Variants in HS3ST4 observed in about 807,000 individuals in gnomAD.
HS3ST4 encodes heparan sulfate-glucosamine 3-sulfotransferase 4, also known as heparan sulfate glucosamine 3-O-sulfotransferase 4.
A neutral mutation model predicts 29.2 loss-of-function variants in HS3ST4; 17 were observed. That is an observed-to-expected ratio of 0.58 (90% CI 0.40 to 0.87). The LOEUF is 0.87. HS3ST4 is among the 40% of genes least tolerant of loss of function. HS3ST4 has a pLI of 0.00. For synonymous variants in HS3ST4, 314 were observed against 285.7 expected, an observed-to-expected ratio of 1.10 and a Z score of -1.00; for missense variants, 627 against 634.5, an observed-to-expected ratio of 0.99 and a Z score of 0.13.
chr16:25,958,846 TTA>T, intron 1 of HS3ST4, among the ~76,000 whole-genome samples: 1 of 152,182 alleles, frequency 6.6e-6, no homozygotes. Context: ...ATCAGAAGTC[TTA>T]CAAGGTGGCC....
chr16:26,000,363 A>T (rs1969202114), intron 1 of HS3ST4, among the ~76,000 whole-genome samples: 1 of 152,150 alleles, frequency 6.6e-6, no homozygotes, highest in Non-Finnish European at 1.5e-5. Flanking sequence ...TCCTCCACAG[A>T]TTCAAATATA....
At chr16:25,706,175 C>T (rs374787987) in intron 1 of HS3ST4, among the ~76,000 whole-genome samples, 17 of 151,950 alleles carry the variant, frequency 1.1e-4, no homozygotes, top group African/African-American at 3.6e-4. Flanking sequence ...TTTAAAATAC[C>T]GAAACAACAT....
intron 1 of HS3ST4, among the ~76,000 whole-genome samples, chr16:25,900,370 C>CTTTA (rs34652617): frequency 0.2 from 31,035 of 152,000 alleles, 3,355 homozygotes; most frequent in Admixed American, 0.27. Flanking sequence ...TTTATGCCAC[C>CTTTA]TTTAACAACT....
At chr16:25,907,972 A>G (rs1968196171) in intron 1 of HS3ST4, among the ~76,000 whole-genome samples, 1 of 152,150 alleles carries the variant, frequency 6.6e-6, no homozygotes, top group Non-Finnish European at 1.5e-5. Context: ...AAGCCCTATA[A>G]ATAACCTTAG....
At chr16:25,800,143 C>G (rs766982600) in intron 1 of HS3ST4, among the ~76,000 whole-genome samples, 1 of 151,090 alleles carries the variant, frequency 6.6e-6, no homozygotes. Flanking sequence ...TGAGTGTCCC[C>G]TAGATCATTG....
intron 1 of HS3ST4, among the ~76,000 whole-genome samples, chr16:25,821,250 G>A (rs936586541): frequency 5.9e-5 from 9 of 151,784 alleles, no homozygotes; most frequent in Non-Finnish European, 1.0e-4. Context: ...GTAGAGACGG[G>A]GTTTCACTGT....
chr16:25,903,990 T>C (rs1395229291), intron 1 of HS3ST4, among the ~76,000 whole-genome samples: 1 of 152,168 alleles, frequency 6.6e-6, no homozygotes, highest in Non-Finnish European at 1.5e-5. Context: ...TTGAAATGAA[T>C]CAATGGGTGG....
chr16:25,710,808 CTTTTTTT>C (rs34759495), intron 1 of HS3ST4, among the ~76,000 whole-genome samples: 3 of 48,548 alleles, frequency 6.2e-5, no homozygotes, highest in African/African-American at 1.7e-4. Context: ...GCATATTATC[CTTTTTTT>C]TTTTTTTTTT....
chr16:25,990,634 G>A (rs1969106194), intron 1 of HS3ST4, among the ~76,000 whole-genome samples: 2 of 152,334 alleles, frequency 1.3e-5, no homozygotes, highest in South Asian at 2.1e-4. Context: ...AATCTTCACT[G>A]TAACCCATGA....
rs1287249684 is a variant in HS3ST4 at position 25,693,029 on chromosome 16, G to A, written c.612G>A (p.Gly204=). 2.5e-6 allele frequency: 4 copies of A among 1,611,392 alleles called. No individual in the cohort carries two copies. Among genetic ancestry groups the A allele is most frequent in the South Asian group, 1.1e-5 (1 of 90,852 alleles). ...AGCTGCCACAGGCGCTCATCATCGG[G>A]GTCAAGAAAGGAGGGACCCGCGCGC... is the stretch of plus-strand genomic sequence containing the variant. ...EKKLPQALII[G]VKKGGTRALL... Residue 204 remains glycine (G), a synonymous_variant, in exon 1 of 2, where the codon GGG becomes GGA. Coordinates refer to ENST00000331351, the MANE Select transcript of HS3ST4 (RefSeq NM_006040.3).
chr16:25,961,890 A>G (rs4578653), intron 1 of HS3ST4, among the ~76,000 whole-genome samples: 34,499 of 152,128 alleles, frequency 0.23, 4,696 homozygotes, highest in African/African-American at 0.38. Flanking sequence ...CCTCTATTTT[A>G]TACTACTGTC....
intron 1 of HS3ST4, among the ~76,000 whole-genome samples, chr16:25,701,275 G>A (rs1966332892): frequency 6.6e-6 from 1 of 152,164 alleles, no homozygotes; most frequent in African/African-American, 2.4e-5. Context: ...GATGCCTTGG[G>A]CCCAGGTTGG....
intron 1 of HS3ST4, among the ~76,000 whole-genome samples, chr16:25,702,606 C>T (rs1490579101): frequency 3.3e-5 from 5 of 151,902 alleles, no homozygotes; most frequent in Admixed American, 2.0e-4. Context: ...GTCATTGATG[C>T]CTAAATTGAG....
intron 1 of HS3ST4, among the ~76,000 whole-genome samples, chr16:26,106,947 C>T (rs796874863): frequency 1.4e-4 from 22 of 152,232 alleles, no homozygotes; most frequent in African/African-American, 4.8e-4. Context: ...TGCTGTTCAC[C>T]TGCTGTCCTG....
chr16:26,069,400 C>T (rs997235880), intron 1 of HS3ST4, among the ~76,000 whole-genome samples: 2 of 152,268 alleles, frequency 1.3e-5, no homozygotes, highest in South Asian at 4.1e-4. Context: ...ACCCAGGCAC[C>T]AAGGGGTCTT....
intron 1 of HS3ST4, among the ~76,000 whole-genome samples, chr16:25,838,875 A>G (rs1305614581): frequency 1.3e-5 from 2 of 152,144 alleles, no homozygotes; most frequent in African/African-American, 4.8e-5. Flanking sequence ...CCACCAGAGA[A>G]TTCTCTTTTG....
rs537458109 is a variant in HS3ST4 at position 25,713,690 on chromosome 16, C to T, written c.734+20539C>T. Among the ~76,000 whole-genome samples, 101 of 152,258 alleles carry T rather than the reference C, an allele frequency of 6.6e-4. 3 individuals carry two copies. In the South Asian group the frequency reaches 0.018, roughly 28 times the overall value. On this transcript the variant is annotated intron_variant, in intron 1 of 1. Transcript: ENST00000331351. The stretch of plus-strand genomic sequence containing the variant: ...CATCCAGGTTGGCCATTCCATGGCT[C>T]GGAGCACTGAACAAACACTCACCAA...
chr16:25,714,710 G>A (rs1202457921), intron 1 of HS3ST4, among the ~76,000 whole-genome samples: 1 of 152,142 alleles, frequency 6.6e-6, no homozygotes, highest in East Asian at 1.9e-4. Flanking sequence ...ATGAGATGGT[G>A]AACACTTTTC....
At chr16:25,744,237 A>G (rs574877366) in intron 1 of HS3ST4, among the ~76,000 whole-genome samples, 1 of 152,356 alleles carries the variant, frequency 6.6e-6, no homozygotes, top group East Asian at 1.9e-4. Context: ...GTGGTTAACT[A>G]AGATCCTGGA....
Sources: gnomAD v4.1 joint callset for allele counts (sites outside exome capture counted in the v4.1 genomes callset) on GRCh38, gnomAD v4.1.1 for gene constraint, MANE v1.5 for transcripts, NCBI Gene and HGNC (gene_info 2026-07-23, HGNC 2026-07-21) for gene names.